RCAN2: variants seen among roughly 807,000 people sequenced by gnomAD.
The protein encoded by RCAN2 is calcipressin-2.
Under a neutral mutation model 23.6 loss-of-function variants are expected in RCAN2, and 9 were observed. The ratio of observed to expected loss-of-function variants is 0.38; its 90% confidence interval spans 0.23 to 0.67. The LOEUF is 0.67. Ranked by LOEUF, RCAN2 falls within the 30% of genes least tolerant of loss-of-function variation. RCAN2 has a pLI of 0.51. For synonymous variants in RCAN2, 109 were observed against 115.7 expected (o/e 0.94, Z 0.37); for missense variants, 273 against 302.3 (o/e 0.90, Z 0.72).
intron 2 of RCAN2, among the ~76,000 whole-genome samples, chr6:46,456,329 A>G (rs920655057): frequency 2.0e-5 from 3 of 152,314 alleles, no homozygotes; most frequent in African/African-American, 7.2e-5. Context: ...GCTTTTTTAG[A>G]ACATTCGTCA....
chr6:46,355,859 A>G (rs545646018), intron 2 of RCAN2, among the ~76,000 whole-genome samples: 40 of 152,306 alleles, frequency 2.6e-4, no homozygotes, highest in African/African-American at 9.4e-4. Flanking sequence ...AATCGAAGTG[A>G]GGAAATAATG....
intron 2 of RCAN2, among the ~76,000 whole-genome samples, chr6:46,336,652 C>T (rs936406634): frequency 6.6e-6 from 1 of 151,986 alleles, no homozygotes; most frequent in African/African-American, 2.4e-5. Flanking sequence ...ACTTTGAGTG[C>T]CAGGGTTAAG....
At chr6:46,437,638 G>A (rs753901646) in intron 2 of RCAN2, among the ~76,000 whole-genome samples, 15 of 152,152 alleles carry the variant, frequency 9.9e-5, no homozygotes, top group African/African-American at 1.4e-4. Context: ...ATCGTCTCAG[G>A]AAAAACCTAG....
chr6:46,307,422 C>G (rs1763106601), intron 2 of RCAN2, among the ~76,000 whole-genome samples: 1 of 151,912 alleles, frequency 6.6e-6, no homozygotes, highest in African/African-American at 2.4e-5. Context: ...GTGTATGTAG[C>G]TGAAGAGTGT....
chr6:46,490,536 C>G (rs1046968052), intron 1 of RCAN2, among the ~76,000 whole-genome samples: 4 of 152,144 alleles, frequency 2.6e-5, no homozygotes, highest in Admixed American at 6.5e-5. Context: ...TTTGCCTGTT[C>G]CCTCTGGTGA....
chr6:46,281,378 G>A (rs548279953), intron 2 of RCAN2, among the ~76,000 whole-genome samples: 57 of 152,354 alleles, frequency 3.7e-4, no homozygotes, highest in Non-Finnish European at 6.8e-4. Context: ...TCCTGGAGTT[G>A]CCATCTGGGA....
chr6:46,277,608 G>C (rs1767758842), intron 2 of RCAN2, among the ~76,000 whole-genome samples: 1 of 150,996 alleles, frequency 6.6e-6, no homozygotes, highest in African/African-American at 2.4e-5. Context: ...TTTATAGAAA[G>C]TAGGTTTTAA....
chr6:46,324,266 C>T (rs1315201297), intron 2 of RCAN2, among the ~76,000 whole-genome samples: 2 of 152,154 alleles, frequency 1.3e-5, no homozygotes, highest in Non-Finnish European at 2.9e-5. Flanking sequence ...TTAGTAAATA[C>T]AGGGCTACAT....
intron 2 of RCAN2, among the ~76,000 whole-genome samples, chr6:46,375,018 T>C (rs1765419674): frequency 6.6e-6 from 1 of 152,228 alleles, no homozygotes; most frequent in Non-Finnish European, 1.5e-5. Flanking sequence ...GCAATTCTCC[T>C]ACCTCAGTCT....
At chr6:46,409,146 CT>C (rs1766485000) in intron 2 of RCAN2, among the ~76,000 whole-genome samples, 1 of 151,996 alleles carries the variant, frequency 6.6e-6, no homozygotes, top group Non-Finnish European at 1.5e-5. Context: ...ATTAACAATT[CT>C]GTTTAAAGAA....
intron 2 of RCAN2, among the ~76,000 whole-genome samples, chr6:46,424,288 A>G (rs981994840): frequency 5.3e-5 from 8 of 152,008 alleles, no homozygotes; most frequent in African/African-American, 1.9e-4. Flanking sequence ...ACACATGAGA[A>G]AACTGAAGCA....
At chr6:46,468,635 T>G (rs1485707392) in intron 1 of RCAN2, among the ~76,000 whole-genome samples, 1 of 152,244 alleles carries the variant, frequency 6.6e-6, no homozygotes, top group Non-Finnish European at 1.5e-5. Context: ...TTCCATATGT[T>G]GAGCATACTT....
At chr6:46,346,366 A>G (rs1378790800) in intron 2 of RCAN2, among the ~76,000 whole-genome samples, 1 of 152,144 alleles carries the variant, frequency 6.6e-6, no homozygotes, top group Non-Finnish European at 1.5e-5. Flanking sequence ...TCATTTTATA[A>G]GGGCAGCATA....
intron 2 of RCAN2, among the ~76,000 whole-genome samples, chr6:46,341,803 A>G (rs1764327114): frequency 6.6e-6 from 1 of 151,712 alleles, no homozygotes; most frequent in Non-Finnish European, 1.5e-5. Flanking sequence ...GTCCCAAAAA[A>G]AGGTATTTAG....
chr6:46,297,367 T>A (rs1055961235), intron 2 of RCAN2, among the ~76,000 whole-genome samples: 1 of 152,112 alleles, frequency 6.6e-6, no homozygotes, highest in African/African-American at 2.4e-5. Context: ...GTAAAGCTTC[T>A]TAGTCCTGGT....
At chr6:46,282,637 GT>G (rs961331434) in intron 2 of RCAN2, among the ~76,000 whole-genome samples, 5 of 152,180 alleles carry the variant, frequency 3.3e-5, no homozygotes, top group African/African-American at 1.2e-4. Context: ...ACCAAAGCCT[GT>G]TTTTGGACCA....
At chr6:46,316,840 T>C (rs774938282) in intron 2 of RCAN2, among the ~76,000 whole-genome samples, 5 of 152,178 alleles carry the variant, frequency 3.3e-5, no homozygotes, top group Non-Finnish European at 5.9e-5. Context: ...GAAGATGAAA[T>C]CAATTCTATT....
chr6:46,446,940 A>T (rs1281865093), intron 2 of RCAN2, among the ~76,000 whole-genome samples: 3 of 151,950 alleles, frequency 2.0e-5, no homozygotes, highest in Admixed American at 2.0e-4. Context: ...CAGATCTACA[A>T]AGCAACTAAG....
At chr6:46,257,520 C>G (rs888901771) in intron 2 of RCAN2, among the ~76,000 whole-genome samples, 5 of 152,214 alleles carry the variant, frequency 3.3e-5, no homozygotes, top group Admixed American at 1.3e-4. Context: ...GAAGCAGGCA[C>G]GTCTTACATG....
Sources: allele counts gnomAD v4.1 joint callset (sites outside exome capture counted in the v4.1 genomes callset), GRCh38; gene constraint gnomAD v4.1.1; transcripts MANE v1.5; gene names NCBI Gene and HGNC (gene_info 2026-07-23, HGNC 2026-07-21).